NSMCE2: variants seen among roughly 807,000 people sequenced by gnomAD.
NSMCE2 encodes E3 SUMO-protein ligase NSE2.
Under a neutral mutation model 23.8 loss-of-function variants are expected in NSMCE2, and 24 were observed. The ratio of observed to expected loss-of-function variants is 1.01; its 90% CI spans 0.73 to 1.42. The LOEUF is 1.42. NSMCE2 is among the 40% of genes most tolerant of loss of function. The probability of loss-of-function intolerance (pLI) is 0.00; values close to 1 mark genes in which losing one functional copy is unlikely to be tolerated. For missense variants in NSMCE2, 284 were observed against 296.5 expected, an observed-to-expected ratio of 0.96 and a Z score of 0.31; for synonymous variants, 92 against 94.1, an observed-to-expected ratio of 0.98 and a Z score of 0.13.
At chr8:125,220,297 C>T (rs764590821) in intron 5 of NSMCE2, among the ~76,000 whole-genome samples, 3 of 151,784 alleles carry the variant, frequency 2.0e-5, no homozygotes, top group Non-Finnish European at 4.4e-5. Context: ...TCTGGAGTTG[C>T]CTAACAGTAT....
rs1367982799 is a variant in NSMCE2, at chr8:125,269,171, TC to T, written c.418+86917del. Among the ~76,000 whole-genome samples, 8 of 152,264 alleles carry T rather than the reference TC, an allele frequency of 5.3e-5. No individual in the cohort carries two copies. In the South Asian group the frequency reaches 1.2e-3, roughly 24 times the overall value. On this transcript the variant is annotated intron_variant, in intron 5 of 7. Coordinates refer to ENST00000287437, the MANE Select transcript of NSMCE2 (RefSeq NM_173685.4). ...GACACGATCTCGACTCACTTCAACC[TC>T]CTCCTCCTGGGTTCCAGTGATTCTC...
intron 5 of NSMCE2, among the ~76,000 whole-genome samples, chr8:125,321,614 C>A (rs1829462723): frequency 6.6e-6 from 1 of 152,180 alleles, no homozygotes. Context: ...TAATATCCCT[C>A]ATAAACATAG....
intron 5 of NSMCE2, among the ~76,000 whole-genome samples, chr8:125,219,838 CAA>C (rs1232563192): frequency 6.6e-6 from 1 of 152,184 alleles, no homozygotes; most frequent in African/African-American, 2.4e-5. Flanking sequence ...GTAGTACTGT[CAA>C]TATCAAGTAG....
intron 3 of NSMCE2, among the ~76,000 whole-genome samples, chr8:125,120,728 G>A (rs545506396): frequency 3.9e-4 from 59 of 152,338 alleles, no homozygotes; most frequent in African/African-American, 1.3e-3. Context: ...CTTTCTCTCT[G>A]TGGGTGGGAG....
At chr8:125,168,920 C>G (rs969083466) in intron 4 of NSMCE2, among the ~76,000 whole-genome samples, 9 of 152,170 alleles carry the variant, frequency 5.9e-5, no homozygotes, top group African/African-American at 1.7e-4. Context: ...TACACATTAC[C>G]ATGTATTCTC....
chr8:125,337,626 G>A (rs1334910815), intron 5 of NSMCE2, among the ~76,000 whole-genome samples: 1 of 152,140 alleles, frequency 6.6e-6, no homozygotes, highest in Non-Finnish European at 1.5e-5. Context: ...CGGGCGTGGT[G>A]GCTCAAGCCT....
At chr8:125,275,300 CT>C (rs1383423821) in intron 5 of NSMCE2, among the ~76,000 whole-genome samples, 1 of 152,198 alleles carries the variant, frequency 6.6e-6, no homozygotes, top group African/African-American at 2.4e-5. Context: ...TTCATCCCGT[CT>C]TCTAGCCCTC....
At chr8:125,284,092 T>C (rs1036349062) in intron 5 of NSMCE2, among the ~76,000 whole-genome samples, 6 of 150,606 alleles carry the variant, frequency 4.0e-5, no homozygotes, top group Non-Finnish European at 7.4e-5. Flanking sequence ...AAGCAGAGCT[T>C]GCAGTGAGCT....
chr8:125,233,052 G>A (rs1050762644), intron 5 of NSMCE2, among the ~76,000 whole-genome samples: 11 of 152,188 alleles, frequency 7.2e-5, no homozygotes, highest in Admixed American at 6.5e-5. Flanking sequence ...CTACAGGGAT[G>A]TGACCTTACG....
intron 5 of NSMCE2, among the ~76,000 whole-genome samples, chr8:125,228,040 A>G (rs1050180936): frequency 7.2e-5 from 11 of 152,132 alleles, no homozygotes; most frequent in African/African-American, 2.7e-4. Context: ...AGCAGTTGAT[A>G]TTGTCAATTT....
intron 1 of NSMCE2, among the ~76,000 whole-genome samples, chr8:125,097,603 G>T (rs181300617): frequency 6.6e-6 from 1 of 152,190 alleles, no homozygotes; most frequent in East Asian, 1.9e-4. Context: ...TGTCTCCCCT[G>T]TTGTGCCTAT....
At chr8:125,247,943 A>G (rs1242811096) in intron 5 of NSMCE2, among the ~76,000 whole-genome samples, 1 of 152,178 alleles carries the variant, frequency 6.6e-6, no homozygotes, top group African/African-American at 2.4e-5. Flanking sequence ...CCAATGGGAG[A>G]ATGACAGTAA....
chr8:125,142,638 C>T (rs1563676209), intron 3 of NSMCE2, among the ~76,000 whole-genome samples: 1 of 151,812 alleles, frequency 6.6e-6, no homozygotes, highest in Non-Finnish European at 1.5e-5. Context: ...GAGTTTTGCC[C>T]TTGTTGCCCA....
In NSMCE2 at chr8:125,307,873, T is replaced by C. The variant is rs1467516082; in HGVS notation, c.419-49346T>C. Among the ~76,000 whole-genome samples, 4 of 152,378 alleles carry C rather than the reference T, an allele frequency of 2.6e-5. No individual in the cohort carries two copies. In the East Asian group the frequency reaches 7.7e-4, roughly 29 times the overall value. ...GTGAGCTGGATCTCACCCACAGATGTGTTCGGCTTGACCCACATAGTTGTA... is the reference window on the plus strand; with the variant it reads ...GTGAGCTGGATCTCACCCACAGATGCGTTCGGCTTGACCCACATAGTTGTA... On this transcript the variant is annotated intron_variant, in intron 5 of 7. Transcript: ENST00000287437.
intron 5 of NSMCE2, among the ~76,000 whole-genome samples, chr8:125,290,943 C>G (rs1356702491): frequency 2.6e-5 from 4 of 152,196 alleles, no homozygotes; most frequent in African/African-American, 9.7e-5. Flanking sequence ...GTTTAATTCT[C>G]TAGTACCTAG....
intron 5 of NSMCE2, among the ~76,000 whole-genome samples, chr8:125,211,232 A>G (rs1403440456): frequency 1.3e-5 from 2 of 152,210 alleles, no homozygotes; most frequent in African/African-American, 4.8e-5. Context: ...AAACTTCACA[A>G]AGTGCAAAAG....
At chr8:125,283,949 G>T (rs562895919) in intron 5 of NSMCE2, among the ~76,000 whole-genome samples, 10 of 151,976 alleles carry the variant, frequency 6.6e-5, no homozygotes, top group African/African-American at 2.2e-4. Flanking sequence ...GTCAGGAGAT[G>T]GAGACCATCC....
At chr8:125,190,365 T>C (rs1823293038) in intron 5 of NSMCE2, among the ~76,000 whole-genome samples, 1 of 152,124 alleles carries the variant, frequency 6.6e-6, no homozygotes, top group African/African-American at 2.4e-5. Context: ...TCAAGTGACA[T>C]GCCCAAGAAC....
At chr8:125,272,166 AT>A in intron 5 of NSMCE2, among the ~76,000 whole-genome samples, 1 of 150,978 alleles carries the variant, frequency 6.6e-6, no homozygotes, top group Admixed American at 6.6e-5. Context: ...GGCGCCCACC[AT>A]CATGCCTGTC....
Sources: allele counts gnomAD v4.1 joint callset (sites outside exome capture counted in the v4.1 genomes callset), GRCh38; gene constraint gnomAD v4.1.1; transcripts MANE v1.5; gene names NCBI Gene and HGNC (gene_info 2026-07-23, HGNC 2026-07-21).